The following BRINP3 variants were observed in gnomAD, a reference collection of about 807,000 sequenced individuals.
The protein encoded by BRINP3 is BMP/retinoic acid inducible neural specific 3, also known as BMP/retinoic acid-inducible neural-specific protein 3.
In BRINP3, 19 loss-of-function variants were observed where a neutral mutation model predicts 71.0. The ratio of observed to expected loss-of-function variants is 0.27; its 90% CI spans 0.19 to 0.39. BRINP3 has a LOEUF of 0.39. Among genes scored for constraint, BRINP3 ranks in the 10% least tolerant of loss-of-function variants. BRINP3 has a pLI of 1.00. For synonymous variants in BRINP3, 380 were observed against 337.7 expected (o/e 1.13, Z -1.37); for missense variants, 959 against 940.8 (o/e 1.02, Z -0.25).
At chr1:190,408,776 G>C (rs1355126748) in intron 2 of BRINP3, among the ~76,000 whole-genome samples, 1 of 152,176 alleles carries the variant, frequency 6.6e-6, no homozygotes, top group Non-Finnish European at 1.5e-5. Flanking sequence ...CATGGGCATT[G>C]AATAGGCTAT....
At chr1:190,396,730 ATATATATATG>A (rs983985046) in intron 2 of BRINP3, among the ~76,000 whole-genome samples, 27 of 143,140 alleles carry the variant, frequency 1.9e-4, no homozygotes, top group African/African-American at 6.6e-4. Context: ...ATATATATAT[ATATATATATG>A]TAACTAACAG....
At chr1:190,110,681 A>G (rs1402757715) in intron 7 of BRINP3, among the ~76,000 whole-genome samples, 7 of 152,186 alleles carry the variant, frequency 4.6e-5, no homozygotes, top group African/African-American at 1.7e-4. Flanking sequence ...CTTCTATTCA[A>G]CCAGCCTAAA....
At chr1:190,345,854 C>T (rs189446384) in intron 2 of BRINP3, among the ~76,000 whole-genome samples, 1 of 151,850 alleles carries the variant, frequency 6.6e-6, no homozygotes, top group Non-Finnish European at 1.5e-5. Context: ...GAAATCATTG[C>T]CAATTATCTT....
At chr1:190,198,567 G>T (rs574219605) in intron 6 of BRINP3, among the ~76,000 whole-genome samples, 8 of 151,914 alleles carry the variant, frequency 5.3e-5, no homozygotes, top group African/African-American at 1.7e-4. Context: ...TGTGTTTCTT[G>T]CACCAGATGC....
At chr1:190,398,301 CCTT>C (rs1357222806) in intron 2 of BRINP3, among the ~76,000 whole-genome samples, 2 of 151,872 alleles carry the variant, frequency 1.3e-5, no homozygotes, top group African/African-American at 4.8e-5. Context: ...AGTTTTAAAA[CCTT>C]CTCTGATAAT....
intron 2 of BRINP3, among the ~76,000 whole-genome samples, chr1:190,333,221 A>C (rs1190240745): frequency 6.6e-6 from 1 of 151,920 alleles, no homozygotes; most frequent in Non-Finnish European, 1.5e-5. Flanking sequence ...TGTACAAAAA[A>C]ATTAAAAATG....
chr1:190,296,172 C>T (rs755516927), intron 2 of BRINP3, among the ~76,000 whole-genome samples: 30 of 149,560 alleles, frequency 2.0e-4, no homozygotes, highest in Non-Finnish European at 3.6e-4. Context: ...TGAAGTTTTA[C>T]AGTTTCATGT....
chr1:190,175,969 A>G (rs1194865702), intron 6 of BRINP3, among the ~76,000 whole-genome samples: 1 of 152,148 alleles, frequency 6.6e-6, no homozygotes, highest in Admixed American at 6.5e-5. Context: ...CCTGGTTTTC[A>G]CAGCTTGGGA....
chr1:190,284,786 T>G (rs1663294252), intron 2 of BRINP3, among the ~76,000 whole-genome samples: 1 of 152,026 alleles, frequency 6.6e-6, no homozygotes, highest in Admixed American at 6.6e-5. Context: ...AGAAAGAAAC[T>G]CTTTGGGGAT....
chr1:190,167,225 TAC>T (rs1651634389), intron 6 of BRINP3, among the ~76,000 whole-genome samples: 1 of 152,088 alleles, frequency 6.6e-6, no homozygotes, highest in South Asian at 2.1e-4. Flanking sequence ...CTTATACAGG[TAC>T]AGATACCAGA....
intron 2 of BRINP3, among the ~76,000 whole-genome samples, chr1:190,351,341 T>C (rs1668373280): frequency 6.6e-6 from 1 of 152,114 alleles, no homozygotes. Context: ...CAAAACTTAT[T>C]TGGACTCTCA....
intron 7 of BRINP3, among the ~76,000 whole-genome samples, chr1:190,131,746 C>A (rs1453168023): frequency 6.6e-6 from 1 of 152,076 alleles, no homozygotes; most frequent in Non-Finnish European, 1.5e-5. Context: ...ACCCAGCTCT[C>A]CATGATCTTG....
In BRINP3 at chr1:190,477,599, A is replaced by G. The variant is rs1677578201; in HGVS notation, c.-202T>C. ...AGCAGTTCCTGGTGGCATGTAACCA[A>G]GTAAAAACCAGTTACACAGAGAGCC... is the stretch of plus-strand genomic sequence containing the variant. On this transcript the variant is annotated 5_prime_UTR_variant, in exon 1 of 8. Coordinates refer to ENST00000367462, the MANE Select transcript of BRINP3 (RefSeq NM_199051.3). 1.3e-5 allele frequency: 2 copies of G among 152,028 alleles called. No homozygotes were observed. Among genetic ancestry groups the G allele is most frequent in the African/African-American group, 2.4e-5 (1 of 41,388 alleles). The allele number at this position is 152,028 out of a possible 1,614,324, so 9.4% of individuals were successfully genotyped here.
chr1:190,228,080 G>C (rs559948378), intron 5 of BRINP3, among the ~76,000 whole-genome samples: 54 of 152,056 alleles, frequency 3.6e-4, no homozygotes, highest in African/African-American at 1.3e-3. Context: ...CTGCTAGATA[G>C]TACTGTATTT....
At chr1:190,170,534 T>C (rs1183545800) in intron 6 of BRINP3, among the ~76,000 whole-genome samples, 1 of 152,178 alleles carries the variant, frequency 6.6e-6, no homozygotes, top group Non-Finnish European at 1.5e-5. Context: ...GCCATTTTTT[T>C]ATATCTTATG....
At chr1:190,386,517 T>C (rs945449500) in intron 2 of BRINP3, among the ~76,000 whole-genome samples, 1 of 152,010 alleles carries the variant, frequency 6.6e-6, no homozygotes, top group Non-Finnish European at 1.5e-5. Context: ...ATATTTATAG[T>C]AATTCTCTTT....
At chr1:190,206,989 T>C (rs1352849711) in intron 6 of BRINP3, among the ~76,000 whole-genome samples, 1 of 146,648 alleles carries the variant, frequency 6.8e-6, no homozygotes, top group Non-Finnish European at 1.5e-5. Flanking sequence ...TTTTGTTTTG[T>C]TTTTTTGTTT....
intron 4 of BRINP3, among the ~76,000 whole-genome samples, chr1:190,253,871 G>C (rs1357136366): frequency 6.6e-6 from 1 of 152,148 alleles, no homozygotes; most frequent in Non-Finnish European, 1.5e-5. Context: ...TATTGCCTAG[G>C]TTTTCTTCTA....
chr1:190,299,962 T>C (rs1320174168), intron 2 of BRINP3, among the ~76,000 whole-genome samples: 2 of 152,054 alleles, frequency 1.3e-5, no homozygotes, highest in Non-Finnish European at 2.9e-5. Context: ...ACCTGACCCT[T>C]CTCTCTGGCT....
Sources: gnomAD v4.1 joint callset for allele counts (sites outside exome capture counted in the v4.1 genomes callset) on GRCh38, gnomAD v4.1.1 for gene constraint, MANE v1.5 for transcripts, NCBI Gene and HGNC (gene_info 2026-07-23, HGNC 2026-07-21) for gene names.